Variants in PREP observed in about 807,000 individuals in gnomAD.
PREP encodes dJ355L5.1 (prolyl endopeptidase).
In PREP, 29 loss-of-function variants were observed where a neutral mutation model predicts 87.6. That is an observed-to-expected ratio of 0.33 (90% CI 0.25 to 0.45). The LOEUF (loss-of-function observed/expected upper bound fraction) is 0.45, where lower values mean the gene tolerates loss of function less well. PREP is among the 20% of genes least tolerant of loss of function. PREP has a pLI of 1.00. For synonymous variants in PREP, 337 were observed against 328.6 expected (o/e 1.03, Z -0.28); for missense variants, 695 against 886.5 (o/e 0.78, Z 2.74).
At chr6:105,335,670 C>T (rs1014548314) in intron 7 of PREP, among the ~76,000 whole-genome samples, 2 of 152,014 alleles carry the variant, frequency 1.3e-5, no homozygotes, top group East Asian at 3.9e-4. Flanking sequence ...AGCCGGAAGA[C>T]CATGAGGTCG....
In PREP at chr6:105,296,580, TA is replaced by T. The variant is rs1770417594; in HGVS notation, c.1318-7687del. 2.0e-5 allele frequency among the ~76,000 whole-genome samples: 3 copies of T among 152,344 alleles called. No individual in the cohort carries two copies. The East Asian group carries it at 5.8e-4, about 29-fold the overall frequency. On this transcript the variant is annotated intron_variant, in intron 10 of 14. Coordinates refer to ENST00000652536, the MANE Select transcript of PREP (RefSeq NM_002726.5). ...TTATGTTTACATATGGTCTGGGATCTAACTACTTTTCCCCAAATGGCCAACT... is the reference window on the plus strand; with the variant it reads ...TTATGTTTACATATGGTCTGGGATCTACTACTTTTCCCCAAATGGCCAACT...
chr6:105,367,603 C>T (rs1772420156), intron 6 of PREP, among the ~76,000 whole-genome samples: 2 of 146,544 alleles, frequency 1.4e-5, no homozygotes, highest in South Asian at 4.3e-4. Context: ...ACCCGGGAGG[C>T]AGAGCTTGCA....
At chr6:105,402,731 G>T (rs1201928335) in intron 1 of PREP, 116 bp downstream of exon 1, 1 of 946,958 alleles carries the variant, frequency 1.1e-6, no homozygotes, top group Non-Finnish European at 1.5e-6. Context: ...GGCCGAGGGG[G>T]AGGGGAGGGA....
chr6:105,281,466 ACAG>A, intron 14 of PREP: 1 of 284,006 alleles, frequency 3.5e-6, no homozygotes, highest in South Asian at 6.3e-5. Context: ...CTGCTCCCTG[ACAG>A]CAAGCAGTAT....
chr6:105,302,627 TTG>T (rs1770563231), intron 10 of PREP: 1 of 453,174 alleles, frequency 2.2e-6, no homozygotes, highest in African/African-American at 2.0e-5. Context: ...GAGGTTTTCT[TTG>T]TGTGAGTCTG....
chr6:105,307,474 TC>T (rs1217499721), intron 10 of PREP, among the ~76,000 whole-genome samples: 1 of 152,092 alleles, frequency 6.6e-6, no homozygotes, highest in Non-Finnish European at 1.5e-5. Flanking sequence ...ATCTCCATTT[TC>T]CCTAGTAAAC....
At chr6:105,372,523 G>A (rs557811653) in intron 5 of PREP, among the ~76,000 whole-genome samples, 3 of 152,308 alleles carry the variant, frequency 2.0e-5, no homozygotes, top group Non-Finnish European at 2.9e-5. Context: ...CTTCCTGCCT[G>A]GGAAAATTTA....
At chr6:105,393,440 C>T (rs1158031919) in intron 2 of PREP, among the ~76,000 whole-genome samples, 1 of 152,124 alleles carries the variant, frequency 6.6e-6, no homozygotes, top group African/African-American at 2.4e-5. Context: ...TCTTTTCTAG[C>T]TGTCAAGGCC....
chr6:105,392,984 G>A (rs1355636978), intron 2 of PREP, among the ~76,000 whole-genome samples: 11 of 152,320 alleles, frequency 7.2e-5, no homozygotes, highest in South Asian at 2.1e-4. Flanking sequence ...AGCAGTTAAT[G>A]ATGCCAGTGA....
chr6:105,278,231 C>T lies in PREP; in HGVS notation c.2046G>A (p.Ala682=), dbSNP rs757054289. 1.4e-5 allele frequency: 23 copies of T among 1,614,078 alleles called. No homozygotes were observed. Among genetic ancestry groups the T allele is most frequent in the Middle Eastern group, 1.6e-4 (1 of 6,072 alleles). ...IHVDTKAGHG[A]GKPTAKVIEE... ...CTATCACTTTGGCTGTGGGCTTCCC[C>T]GCCCCGTGGCCCGCCTTGGTGTCCA... Residue 682 remains alanine, a synonymous_variant, in exon 15 of 15, where the codon GCG becomes GCA. Coordinates refer to ENST00000652536, the MANE Select transcript of PREP (RefSeq NM_002726.5). The surrounding 1 kb of genome is among the most constrained non-coding windows in gnomAD (Gnocchi z 4.2).
chr6:105,383,076 C>A (rs1432367250), intron 2 of PREP, among the ~76,000 whole-genome samples: 1 of 152,060 alleles, frequency 6.6e-6, no homozygotes, highest in East Asian at 1.9e-4. Flanking sequence ...CCAAGAGGCG[C>A]TCACCCTGAG....
intron 2 of PREP, among the ~76,000 whole-genome samples, chr6:105,388,193 C>T (rs542784038): frequency 2.6e-5 from 4 of 152,208 alleles, no homozygotes; most frequent in Non-Finnish European, 4.4e-5. Flanking sequence ...TTAACTGCTG[C>T]AATACAGCCA....
intron 10 of PREP, among the ~76,000 whole-genome samples, chr6:105,308,806 C>A (rs1770701672): frequency 1.3e-5 from 2 of 152,098 alleles, no homozygotes; most frequent in South Asian, 4.1e-4. Context: ...GTGGGGAAAA[C>A]CACATTCTAA....
chr6:105,375,176 C>T (rs1170596319), intron 4 of PREP, among the ~76,000 whole-genome samples: 2 of 152,130 alleles, frequency 1.3e-5, no homozygotes, highest in Admixed American at 6.5e-5. Flanking sequence ...GGTGGACCAC[C>T]GAATGACTGG....
intron 10 of PREP, 125 bp downstream of exon 10, chr6:105,323,540 G>C: frequency 1.2e-6 from 1 of 860,812 alleles, no homozygotes; most frequent in Non-Finnish European, 1.9e-6. Context: ...CGTCAACCGT[G>C]GGGGCTACAA....
At position 105,371,733 on chromosome 6, in the gene PREP, G is replaced by A. The variant is rs145740143; in HGVS notation, c.595+1636C>T. ...TTGTCATTGAGCTTTCAGGGACACTGGTAAGAAGCACATGGTAGGAATTGC... is the reference window on the plus strand; with the variant it reads ...TTGTCATTGAGCTTTCAGGGACACTAGTAAGAAGCACATGGTAGGAATTGC... On this transcript the variant is annotated intron_variant, in intron 5 of 14. Coordinates refer to ENST00000652536, the MANE Select transcript of PREP (RefSeq NM_002726.5). Among the ~76,000 whole-genome samples, 124 of 152,142 alleles carry A rather than the reference G, an allele frequency of 8.2e-4. 1 individual carries two copies. The highest frequency in any genetic ancestry group is 2.8e-3 in the African/African-American group (117 of 41,502).
At chr6:105,297,324 A>G (rs1228577413) in intron 10 of PREP, among the ~76,000 whole-genome samples, 1 of 152,210 alleles carries the variant, frequency 6.6e-6, no homozygotes, top group Non-Finnish European at 1.5e-5. Flanking sequence ...GCTACAGTGG[A>G]GTTGTGGTAG....
chr6:105,328,695 C>A, intron 9 of PREP, 134 bp downstream of exon 9: 1 of 911,150 alleles, frequency 1.1e-6, no homozygotes, highest in Non-Finnish European at 1.7e-6. Context: ...CCGTTTTATT[C>A]CCATTAAGTA....
At chr6:105,282,001 G>T in intron 13 of PREP, 99 bp from the exon 14 acceptor site, 2 of 1,408,776 alleles carry the variant, frequency 1.4e-6, no homozygotes, top group Admixed American at 2.3e-5. Context: ...CCAGAGCCCT[G>T]GTTGCATTTA....
Sources: allele counts gnomAD v4.1 joint callset (sites outside exome capture counted in the v4.1 genomes callset), GRCh38; gene constraint gnomAD v4.1.1; non-coding constraint Gnocchi (gnomAD v3.1); transcripts MANE v1.5; gene names NCBI Gene and HGNC (gene_info 2026-07-23, HGNC 2026-07-21).